The following STON2 variants were observed in gnomAD, a reference collection of about 807,000 sequenced individuals.
The protein encoded by STON2 is stonin 2.
STON2 carries 29 observed loss-of-function variants against 65.7 expected under a neutral mutation model. The ratio of observed to expected loss-of-function variants is 0.44; its 90% CI spans 0.33 to 0.60. The LOEUF (loss-of-function observed/expected upper bound fraction) is 0.60. Among genes scored for constraint, STON2 ranks in the 20% least tolerant of loss-of-function variants. STON2 has a pLI of 0.03. For synonymous variants in STON2, 404 were observed against 414.2 expected (o/e 0.98, Z 0.30); for missense variants, 1,054 against 1,118.1 (o/e 0.94, Z 0.82).
At chr14:81,297,219 G>C (rs918029709) in intron 5 of STON2, among the ~76,000 whole-genome samples, 5 of 152,170 alleles carry the variant, frequency 3.3e-5, no homozygotes, top group South Asian at 2.1e-4. Context: ...ATGCCAGCTG[G>C]TCTGTCTAGA....
chr14:81,400,925 C>T (rs1465923990), upstream of STON2, among the ~76,000 whole-genome samples: 1 of 152,168 alleles, frequency 6.6e-6, no homozygotes, highest in African/African-American at 2.4e-5. Flanking sequence ...ACGCCAAGTA[C>T]TAAGGACTGG....
intron 4 of STON2, among the ~76,000 whole-genome samples, chr14:81,368,377 C>T (rs886081579): frequency 6.6e-6 from 1 of 152,166 alleles, no homozygotes; most frequent in Non-Finnish European, 1.5e-5. Context: ...TGCTGGCACA[C>T]AGCAGACACT....
Position 81,268,324 on chromosome 14 carries a change from A to G in STON2, c.*90T>C, listed in dbSNP as rs956791518. The G allele has an allele frequency of 1.6e-6, 2 of 1,266,526 alleles. No homozygotes were observed. The highest frequency in any genetic ancestry group is 3.1e-5 in the African/African-American group (2 of 64,952). 78.5% of individuals were successfully genotyped at this position (1,266,526 alleles called of 1,614,324 possible). The stretch of plus-strand genomic sequence containing the variant: ...GTGGCCACAGCAGGTATTGACTGCA[A>G]CTTCAGCTACTCAGGAAGACACCCT... On this transcript the variant is annotated 3_prime_UTR_variant, in exon 8 of 8. Coordinates refer to ENST00000614646, the MANE Select transcript of STON2 (RefSeq NM_001394390.1).
Position 81,265,395 on chromosome 14 carries a change from C to A in STON2, c.*3019G>T. 1.0e-6 allele frequency: 1 copy of A among 965,028 alleles called. No individual in the cohort carries two copies. Among genetic ancestry groups the A allele is most frequent in the Non-Finnish European group, 1.2e-6 (1 of 811,662 alleles). The allele number at this position is 965,028 out of a possible 1,614,324, so 59.8% of individuals were successfully genotyped here. On this transcript the variant is annotated 3_prime_UTR_variant, in exon 8 of 8. Transcript: ENST00000614646. ...GTGGGTCCAGCATGGTGGCTCACGC[C>A]TGTAATCCCAGAGCTTTGGGAGACT...
chr14:81,270,448 T>C, intron 7 of STON2: 1 of 1,466,656 alleles, frequency 6.8e-7, no homozygotes. Flanking sequence ...TCCTCTTTGA[T>C]GAGCCTCTTT....
At position 81,262,544 on chromosome 14, in the gene STON2, G is replaced by C; in HGVS notation, c.*5870C>G. On this transcript the variant is annotated 3_prime_UTR_variant, in exon 8 of 8. Transcript: ENST00000614646. The stretch of plus-strand genomic sequence containing the variant: ...CCAATGCTGATTTGTCATCTCTCTA[G>C]ATTTTACTTTTTCATATTGAAATTC... 1 of 985,322 alleles carries C rather than the reference G, an allele frequency of 1.0e-6. No homozygotes were observed. Among genetic ancestry groups the C allele is most frequent in the Non-Finnish European group, 1.2e-6 (1 of 829,864 alleles). The allele number at this position is 985,322 out of a possible 1,614,324, so 61.0% of individuals were successfully genotyped here. A position where few individuals can be genotyped will look rare whatever the true frequency, so the allele number is the denominator to read the frequency against.
chr14:81,279,858 CAT>C (rs1420498964), intron 5 of STON2, among the ~76,000 whole-genome samples: 1 of 152,144 alleles, frequency 6.6e-6, no homozygotes, highest in Admixed American at 6.5e-5. Context: ...GATCTTAACA[CAT>C]GTTAATAAAC....
At chr14:81,285,133 C>T (rs1895285452) in intron 5 of STON2, among the ~76,000 whole-genome samples, 1 of 152,164 alleles carries the variant, frequency 6.6e-6, no homozygotes, top group Non-Finnish European at 1.5e-5. Context: ...TTCTCTATCC[C>T]ATGGATCAAG....
rs1852394 is a variant in STON2 at position 81,333,454 on chromosome 14, C to A, written c.572-9267G>T. The A allele has an allele frequency of 1.7e-5, 5 of 291,404 alleles. No homozygotes were observed. In the South Asian group the frequency reaches 2.8e-4, roughly 16 times the overall value. 18.1% of individuals were successfully genotyped at this position (291,404 alleles called of 1,614,324 possible). On this transcript the variant is annotated intron_variant, in intron 4 of 7. Transcript: ENST00000614646. ...AGTCTTCTCAACAACCCTATGAAAT[C>A]GTTACTGTTATGGCTCTAATTTTGC... is the stretch of plus-strand genomic sequence containing the variant.
intron 4 of STON2, among the ~76,000 whole-genome samples, chr14:81,329,956 A>C (rs1897149294): frequency 6.6e-6 from 1 of 152,212 alleles, no homozygotes; most frequent in Non-Finnish European, 1.5e-5. Flanking sequence ...TTAGGAATGA[A>C]AATGCCCTTT....
intron 4 of STON2, among the ~76,000 whole-genome samples, chr14:81,362,850 C>T (rs1898555757): frequency 6.6e-6 from 1 of 152,036 alleles, no homozygotes; most frequent in African/African-American, 2.4e-5. Flanking sequence ...TGCCAGGCAA[C>T]ATGCTGGGGA....
At chr14:81,359,732 C>G (rs1284231973) in intron 4 of STON2, among the ~76,000 whole-genome samples, 1 of 152,080 alleles carries the variant, frequency 6.6e-6, no homozygotes, top group Non-Finnish European at 1.5e-5. Context: ...AAGAATATTA[C>G]GATTACATGC....
chr14:81,365,484 A>G (rs6574648), intron 4 of STON2, among the ~76,000 whole-genome samples: 76,172 of 152,088 alleles, frequency 0.5, 19,663 homozygotes, highest in East Asian at 0.73. Flanking sequence ...GGACAGGTGC[A>G]GTGGCTCATG....
At chr14:81,411,445 G>A (rs865926500) in intron 2 of STON2, among the ~76,000 whole-genome samples, 2 of 152,210 alleles carry the variant, frequency 1.3e-5, no homozygotes, top group Non-Finnish European at 2.9e-5. Flanking sequence ...ACTGGCTCAC[G>A]CCTGTAATCC....
chr14:81,294,321 C>A (rs759314584), intron 5 of STON2, among the ~76,000 whole-genome samples: 2 of 152,138 alleles, frequency 1.3e-5, no homozygotes, highest in Non-Finnish European at 2.9e-5. Flanking sequence ...GGACCCTTAC[C>A]AGAAGAATTT....
chr14:81,365,156 G>A (rs1475934488), intron 4 of STON2, among the ~76,000 whole-genome samples: 1 of 152,080 alleles, frequency 6.6e-6, no homozygotes, highest in Non-Finnish European at 1.5e-5. Flanking sequence ...TTTGCAAGTG[G>A]TTGCTGTTGT....
At chr14:81,370,653 CTTGTGCA>C (rs1174425752) in intron 4 of STON2, among the ~76,000 whole-genome samples, 7 of 152,218 alleles carry the variant, frequency 4.6e-5, no homozygotes, top group African/African-American at 1.4e-4. Context: ...AAGATTCAGC[CTTGTGCA>C]TATTTACACA....
At chr14:81,364,182 G>A (rs1898619023) in intron 4 of STON2, among the ~76,000 whole-genome samples, 1 of 152,122 alleles carries the variant, frequency 6.6e-6, no homozygotes, top group Non-Finnish European at 1.5e-5. Flanking sequence ...AATCTCTAGG[G>A]ATATCCTACT....
intron 3 of STON2, among the ~76,000 whole-genome samples, chr14:81,386,863 A>C (rs1382876784): frequency 2.6e-5 from 4 of 152,122 alleles, no homozygotes; most frequent in Non-Finnish European, 5.9e-5. Flanking sequence ...ACATGTTCTA[A>C]ACACACCCAC....
Sources: gnomAD v4.1 joint callset for allele counts (sites outside exome capture counted in the v4.1 genomes callset) on GRCh38, gnomAD v4.1.1 for gene constraint, MANE v1.5 for transcripts, NCBI Gene and HGNC (gene_info 2026-07-23, HGNC 2026-07-21) for gene names.